Variants in RHD observed in about 807,000 individuals in gnomAD.
RHD encodes Rh blood group D antigen, also known as blood group Rh(D) polypeptide.
A neutral mutation model predicts 45.5 loss-of-function variants in RHD; 16 were observed. The ratio of observed to expected loss-of-function variants is 0.35; its 90% CI spans 0.24 to 0.53. RHD has a LOEUF of 0.53. Among genes scored for constraint, RHD ranks in the 20% least tolerant of loss-of-function variants. The pLI, the probability that RHD is intolerant of heterozygous loss-of-function variation, is 0.92. For missense variants in RHD, 306 were observed against 532.0 expected, an observed-to-expected ratio of 0.58 and a Z score of 4.18; for synonymous variants, 131 against 217.5, an observed-to-expected ratio of 0.60 and a Z score of 3.50.
At chr1:25,287,433 C>G (rs1642125725) in intron 2 of RHD, among the ~76,000 whole-genome samples, 1 of 135,352 alleles carries the variant, frequency 7.4e-6, no homozygotes, top group Non-Finnish European at 1.8e-5. Context: ...TTGGATCCCC[C>G]TAGGGGTGAC....
intron 1 of RHD, among the ~76,000 whole-genome samples, chr1:25,274,361 T>C (rs1195104501): frequency 7.5e-6 from 1 of 132,680 alleles, no homozygotes; most frequent in African/African-American, 2.6e-5. Context: ...TACAGTGGGC[T>C]TGAGTCTTTG....
chr1:25,292,428 G>C (rs1642589321), intron 3 of RHD, among the ~76,000 whole-genome samples: 1 of 132,642 alleles, frequency 7.5e-6, no homozygotes, highest in Non-Finnish European at 1.8e-5. Flanking sequence ...GTGATGGGAA[G>C]TGGTTGGATC....
chr1:25,304,963 A>C (rs1453061869), intron 6 of RHD: 2 of 132,404 alleles, frequency 1.5e-5, no homozygotes, highest in African/African-American at 5.2e-5. Flanking sequence ...ATTCATTCAT[A>C]TATTCATTCA....
At chr1:25,273,980 G>C (rs1640717019) in intron 1 of RHD, among the ~76,000 whole-genome samples, 3 of 131,610 alleles carry the variant, frequency 2.3e-5, no homozygotes, top group African/African-American at 7.8e-5. Context: ...AGACAAACAA[G>C]AGCTGGCACA....
At chr1:25,303,273 T>C (rs1643530177) in intron 5 of RHD, 49 bp from the exon 6 acceptor site, 1 of 1,148,626 alleles carries the variant, frequency 8.7e-7, no homozygotes, top group African/African-American at 1.5e-5. Flanking sequence ...AGCAAGATGG[T>C]GTTCTCTCTC....
intron 3 of RHD, among the ~76,000 whole-genome samples, chr1:25,291,161 TAGAC>T (rs377224052): frequency 0.024 from 2,939 of 124,102 alleles, 420 homozygotes; most frequent in African/African-American, 0.076. Flanking sequence ...GATAGATAGA[TAGAC>T]AGACAGACAG....
At chr1:25,304,385 G>A (rs1643629407) in intron 6 of RHD, 1 of 126,348 alleles carries the variant, frequency 7.9e-6, no homozygotes, top group African/African-American at 2.7e-5. Flanking sequence ...GATGGCCTGA[G>A]GTCAGGAGTT....
In RHD at chr1:25,316,153, C is replaced by T. The variant is rs1384975068; in HGVS notation, c.1074-847C>T. Among the ~76,000 whole-genome samples, 43 of 130,720 alleles carry T rather than the reference C, an allele frequency of 3.3e-4. 7 individuals are homozygous for T. Among genetic ancestry groups the T allele is most frequent in the Admixed American group, 3.0e-3 (41 of 13,464 alleles). 85.8% of individuals were successfully genotyped at this position (130,720 alleles called of 152,430 possible). ...ATCACATTCAGCATCCAAGGGCCCC[C>T]GTAATAGCTTAATGTTTGAATTGAA... On this transcript the variant is annotated intron_variant, in intron 7 of 9. Coordinates refer to ENST00000328664, the MANE Select transcript of RHD (RefSeq NM_016124.6).
chr1:25,273,495 AC>A (rs1243762464), intron 1 of RHD, among the ~76,000 whole-genome samples: 1 of 91,596 alleles, frequency 1.1e-5, no homozygotes, highest in Non-Finnish European at 2.7e-5. Context: ...GCCTGTTGCT[AC>A]CCCCCACCCC....
chr1:25,298,280 CTCT>C, intron 3 of RHD, among the ~76,000 whole-genome samples: 1 of 115,472 alleles, frequency 8.7e-6, no homozygotes, highest in African/African-American at 2.7e-5. Context: ...GAGCCCGAAC[CTCT>C]TCCTGCTTTG....
Position 25,301,089 on chromosome 1 carries a change from G to C in RHD, c.630G>C (p.Met210Ile), listed in dbSNP as rs766149800. 1.5e-6 allele frequency: 2 copies of C among 1,376,134 alleles called. 1 individual carries two copies. 85.2% of individuals were successfully genotyped at this position (1,376,134 alleles called of 1,614,324 possible). ...CAACGATACCCAGTTTGTCTGCCAT[G>C]CTGGGTAAGGACAAGGTGGGGTGAG... ...QTATIPSLSAMLGALFLWMFW... is the reference protein window; with the variant it reads ...QTATIPSLSAILGALFLWMFW... Residue 210 changes from methionine (M) to isoleucine (I), a missense_variant, in exon 4 of 10, where the codon ATG (methionine) becomes ATC (isoleucine). Physicochemically the swap from Met to Ile is conservative, Grantham distance 10. Coordinates refer to ENST00000328664, the MANE Select transcript of RHD (RefSeq NM_016124.6).
intron 2 of RHD, among the ~76,000 whole-genome samples, chr1:25,285,157 G>A (rs1208678209): frequency 1.6e-5 from 2 of 125,762 alleles, no homozygotes; most frequent in Admixed American, 1.5e-4. Flanking sequence ...TTTTTGAGAC[G>A]GAGTTTCACT....
chr1:25,303,401 C>T lies in RHD; in HGVS notation c.881C>T (p.Ala294Val), dbSNP rs779150774. The change falls in exon 6 of 10, where the codon GCC (alanine) becomes GTC (valine). Residue 294 changes from alanine to valine, a missense_variant. By Grantham distance (64) the Ala-to-Val change is moderately conservative (BLOSUM62 0). Coordinates refer to ENST00000328664, the MANE Select transcript of RHD (RefSeq NM_016124.6). ...SCHLIPSPWLAMVLGLVAGLI... is the reference protein window; with the variant it reads ...SCHLIPSPWLVMVLGLVAGLI... The stretch of plus-strand genomic sequence containing the variant: ...CACCTGATCCCTTCTCCGTGGCTTG[C>T]CATGGTGCTGGGTCTTGTGGCTGGG... 4 of 1,378,784 alleles carry T rather than the reference C, an allele frequency of 2.9e-6. 1 individual carries two copies. Among genetic ancestry groups the T allele is most frequent in the Non-Finnish European group, 4.1e-6 (4 of 978,816 alleles). 85.4% of individuals were successfully genotyped at this position (1,378,784 alleles called of 1,614,324 possible).
In RHD at chr1:25,282,844, G is replaced by A. The variant is rs550762954; in HGVS notation, c.149-1729G>A. On this transcript the variant is annotated intron_variant, in intron 1 of 9. Transcript: ENST00000328664. ...CGGGAGGTGGAGGTTGCAGCGAGCCGAGATCGCACCACTGCACTCCAACCT... is the reference window on the plus strand; with the variant it reads ...CGGGAGGTGGAGGTTGCAGCGAGCCAAGATCGCACCACTGCACTCCAACCT... 4.6e-5 allele frequency among the ~76,000 whole-genome samples: 6 copies of A among 129,512 alleles called. 1 individual carries two copies. The highest frequency in any genetic ancestry group is 7.3e-5 in the Non-Finnish European group (4 of 54,648). 85.0% of individuals were successfully genotyped at this position (129,512 alleles called of 152,430 possible).
Position 25,302,310 on chromosome 1 carries a change from A to G in RHD, c.801+624A>G, listed in dbSNP as rs529379418. Among the ~76,000 whole-genome samples, 30 of 129,236 alleles carry G rather than the reference A, an allele frequency of 2.3e-4. 8 individuals carry two copies. Among genetic ancestry groups the G allele is most frequent in the Non-Finnish European group, 4.5e-4 (25 of 54,992 alleles). The allele number at this position is 129,236 out of a possible 152,430, so 84.8% of individuals were successfully genotyped here. ...GAGAGGGGAGACAAAACAAGTTCTC[A>G]TGATGATGGGGGAAGGGGCTCCAGC... On this transcript the variant is annotated intron_variant, in intron 5 of 9. Coordinates refer to ENST00000328664, the MANE Select transcript of RHD (RefSeq NM_016124.6).
rs1427649112 is a variant in RHD, at chr1:25,299,044, G to A, written c.487-1902G>A. On this transcript the variant is annotated intron_variant, in intron 3 of 9. Coordinates refer to ENST00000328664, the MANE Select transcript of RHD (RefSeq NM_016124.6). ...GCTGGGAGGGCTGTTTACCAGCCAC[G>A]CTGTTTAGAATTGTCAGCACATGGT... 2.8e-5 allele frequency among the ~76,000 whole-genome samples: 3 copies of A among 108,236 alleles called. No homozygotes were observed. In the Admixed American group the frequency reaches 2.9e-4, roughly 11 times the overall value. 71.0% of individuals were successfully genotyped at this position (108,236 alleles called of 152,430 possible).
chr1:25,300,511 CAA>C (rs59194477), intron 3 of RHD, among the ~76,000 whole-genome samples: 90,594 of 96,524 alleles, frequency 0.94, 43,140 homozygotes, highest in Non-Finnish European at 0.99. Flanking sequence ...GACTCTGTCT[CAA>C]AAAAAAAAAA....
Position 25,283,281 on chromosome 1 carries a change from A to G in RHD, c.149-1292A>G, listed in dbSNP as rs534802101. 2.3e-5 allele frequency among the ~76,000 whole-genome samples: 3 copies of G among 132,400 alleles called. No individual in the cohort carries two copies. The East Asian group carries it at 5.9e-4, about 26-fold the overall frequency. The allele number at this position is 132,400 out of a possible 152,430, so 86.9% of individuals were successfully genotyped here. ...CCCTGTGGCTCATGTCTGTAATCCC[A>G]TCACTTTGGGAAACCGAGGTGGGCA... On this transcript the variant is annotated intron_variant, in intron 1 of 9. Transcript: ENST00000328664.
At chr1:25,314,113 T>C (rs1220173558) in intron 7 of RHD, among the ~76,000 whole-genome samples, 4 of 132,956 alleles carry the variant, frequency 3.0e-5, no homozygotes, top group Admixed American at 2.9e-4. Flanking sequence ...AGAAGTGAAA[T>C]TGTTGAATTA....
Sources: allele counts gnomAD v4.1 joint callset (sites outside exome capture counted in the v4.1 genomes callset), GRCh38; gene constraint gnomAD v4.1.1; transcripts MANE v1.5; gene names NCBI Gene and HGNC (gene_info 2026-07-23, HGNC 2026-07-21).